PLD1: variants seen among roughly 807,000 people sequenced by gnomAD.
The protein encoded by PLD1 is choline phosphatase 1.
PLD1 carries 112 observed loss-of-function variants against 137.1 expected under a neutral mutation model. That is an observed-to-expected ratio of 0.82 (90% CI 0.70 to 0.96). The LOEUF is 0.96. Among genes scored for constraint, PLD1 ranks in the 40% least tolerant of loss-of-function variants. The pLI is 0.00. For missense variants in PLD1, 1,321 were observed against 1,342.0 expected, an observed-to-expected ratio of 0.98 and a Z score of 0.24; for synonymous variants, 431 against 454.7, an observed-to-expected ratio of 0.95 and a Z score of 0.66.
chr3:171,693,010 T>C (rs1413342631), intron 12 of PLD1, among the ~76,000 whole-genome samples: 2 of 152,178 alleles, frequency 1.3e-5, no homozygotes, highest in East Asian at 1.9e-4. Flanking sequence ...ATCCAAAACA[T>C]TGAAAACTTT....
intron 1 of PLD1, among the ~76,000 whole-genome samples, chr3:171,787,596 G>A (rs2108347636): frequency 6.6e-6 from 1 of 152,166 alleles, no homozygotes; most frequent in African/African-American, 2.4e-5. Flanking sequence ...TAACTCATTT[G>A]AATGTCATCA....
intron 6 of PLD1, among the ~76,000 whole-genome samples, chr3:171,730,795 C>G (rs1298822129): frequency 1.3e-5 from 2 of 152,122 alleles, no homozygotes; most frequent in African/African-American, 4.8e-5. Context: ...CCCACCACCA[C>G]GCCTAGCTAA....
chr3:171,762,938 G>C (rs1017414741), intron 1 of PLD1, among the ~76,000 whole-genome samples: 4 of 152,100 alleles, frequency 2.6e-5, no homozygotes, highest in Non-Finnish European at 5.9e-5. Context: ...CCTTAAGTAA[G>C]CAATTTTACT....
chr3:171,662,187 A>T lies in PLD1; in HGVS notation c.2230-17T>A, dbSNP rs1467620117. The T allele has an allele frequency of 7.0e-7, 1 of 1,429,260 alleles. No individual in the cohort carries two copies. The highest frequency in any genetic ancestry group is 1.7e-5 in the Admixed American group (1 of 58,920). The allele number at this position is 1,429,260 out of a possible 1,614,324, so 88.5% of individuals were successfully genotyped here. A position where few individuals can be genotyped will look rare whatever the true frequency, so the allele number is the denominator to read the frequency against. On this transcript the variant is annotated splice_polypyrimidine_tract_variant and intron_variant, in intron 19 of 26. Coordinates refer to ENST00000351298, the MANE Select transcript of PLD1 (RefSeq NM_002662.5). ...GCGGAGCAACTACAAGGCAGCAATC[A>T]GAAATGAACAAGTATTAGCAATGGA... is the stretch of plus-strand genomic sequence containing the variant.
At chr3:171,782,191 T>A (rs1722822169) in intron 1 of PLD1, among the ~76,000 whole-genome samples, 1 of 152,058 alleles carries the variant, frequency 6.6e-6, no homozygotes, top group Non-Finnish European at 1.5e-5. Flanking sequence ...AAAAATAACA[T>A]ATTGTGGGAA....
At chr3:171,711,283 G>C (rs1039036031) in intron 9 of PLD1, among the ~76,000 whole-genome samples, 1 of 148,142 alleles carries the variant, frequency 6.8e-6, no homozygotes, top group Non-Finnish European at 1.5e-5. Context: ...CGATTCTCCT[G>C]CCTCAGCCTC....
chr3:171,802,229 A>G (rs1723678215), intron 1 of PLD1, among the ~76,000 whole-genome samples: 1 of 152,242 alleles, frequency 6.6e-6, no homozygotes, highest in African/African-American at 2.4e-5. Flanking sequence ...CTACTCTCAT[A>G]AAGCTTAAGT....
chr3:171,670,860 A>G (rs1446534995), intron 19 of PLD1, among the ~76,000 whole-genome samples: 1 of 152,236 alleles, frequency 6.6e-6, no homozygotes, highest in East Asian at 1.9e-4. Context: ...TTTAAAAATT[A>G]AGAAGTGTAT....
intron 16 of PLD1, among the ~76,000 whole-genome samples, chr3:171,681,219 T>G (rs1713935812): frequency 6.6e-6 from 1 of 152,258 alleles, no homozygotes; most frequent in South Asian, 2.1e-4. Context: ...ATTATCTTTA[T>G]TGATCCCACT....
chr3:171,801,493 A>T (rs1026363786), intron 1 of PLD1, among the ~76,000 whole-genome samples: 1 of 152,234 alleles, frequency 6.6e-6, no homozygotes, highest in African/African-American at 2.4e-5. Flanking sequence ...CTATGGCACG[A>T]TCTCAGCTCA....
intron 19 of PLD1, 115 bp downstream of exon 19, chr3:171,674,385 G>A: frequency 2.0e-6 from 1 of 503,382 alleles, no homozygotes. Flanking sequence ...ATTTAGTTTT[G>A]CTTTAGAAAA....
At chr3:171,801,365 G>T (rs766265409) in intron 1 of PLD1, among the ~76,000 whole-genome samples, 1 of 152,260 alleles carries the variant, frequency 6.6e-6, no homozygotes, top group Admixed American at 6.5e-5. Flanking sequence ...CCTACCCCGT[G>T]TATCTGGTGA....
At chr3:171,695,863 C>T (rs925530071) in intron 12 of PLD1, among the ~76,000 whole-genome samples, 8 of 152,148 alleles carry the variant, frequency 5.3e-5, no homozygotes, top group East Asian at 1.9e-4. Context: ...ACTTCCTCAC[C>T]GTTTAAAAGC....
chr3:171,689,931 T>C (rs2108515444), intron 13 of PLD1, among the ~76,000 whole-genome samples: 1 of 152,350 alleles, frequency 6.6e-6, no homozygotes, highest in Middle Eastern at 3.4e-3. Context: ...GAGTCTTCTC[T>C]TCTCCTCAAT....
chr3:171,671,114 A>G (rs979041771), intron 19 of PLD1, among the ~76,000 whole-genome samples: 1 of 152,240 alleles, frequency 6.6e-6, no homozygotes, highest in Admixed American at 6.5e-5. Flanking sequence ...CTGCTATACA[A>G]TCTTCATACC....
At chr3:171,638,031 A>G (rs1330496703) in intron 23 of PLD1, among the ~76,000 whole-genome samples, 1 of 152,014 alleles carries the variant, frequency 6.6e-6, no homozygotes, top group Admixed American at 6.6e-5. Flanking sequence ...AAATACAAAA[A>G]AAAATTAGCC....
At chr3:171,786,678 A>T (rs1237742896) in intron 1 of PLD1, among the ~76,000 whole-genome samples, 1 of 152,190 alleles carries the variant, frequency 6.6e-6, no homozygotes, top group East Asian at 1.9e-4. Context: ...TAAAATTTGT[A>T]ATTTAAACTT....
intron 9 of PLD1, 30 bp downstream of exon 9, chr3:171,713,863 A>C (rs1717455308): frequency 6.4e-7 from 1 of 1,572,988 alleles, no homozygotes; most frequent in African/African-American, 1.4e-5. Flanking sequence ...ATTTTTGTAG[A>C]AATCTTTTTT....
At chr3:171,677,797 T>G in intron 16 of PLD1, 103 bp from the exon 17 acceptor site, 1 of 1,154,730 alleles carries the variant, frequency 8.7e-7, no homozygotes, top group South Asian at 1.5e-5. Flanking sequence ...TCTTAATTTC[T>G]TAAGACACAA....
Sources: allele counts gnomAD v4.1 joint callset (sites outside exome capture counted in the v4.1 genomes callset), GRCh38; gene constraint gnomAD v4.1.1; transcripts MANE v1.5; gene names NCBI Gene and HGNC (gene_info 2026-07-23, HGNC 2026-07-21).